The following EPHA6 variants were observed in gnomAD, a reference collection of about 807,000 sequenced individuals.
The protein encoded by EPHA6 is ephrin type-A receptor 6.
In EPHA6, 50 loss-of-function variants were observed where a neutral mutation model predicts 112.0. The ratio of observed to expected loss-of-function variants is 0.45; its 90% CI spans 0.36 to 0.56. EPHA6 has a LOEUF of 0.56. Among genes scored for constraint, EPHA6 ranks in the 20% least tolerant of loss-of-function variants. EPHA6 has a pLI of 0.00. For synonymous variants in EPHA6, 529 were observed against 490.7 expected (o/e 1.08, Z -1.03); for missense variants, 1,280 against 1,417.4 (o/e 0.90, Z 1.56).
chr3:97,669,736 G>C (rs780367500), intron 14 of EPHA6, among the ~76,000 whole-genome samples: 1 of 152,292 alleles, frequency 6.6e-6, no homozygotes, highest in Non-Finnish European at 1.5e-5. Flanking sequence ...CAGTCTAGTA[G>C]TAAGAACCCT....
intron 10 of EPHA6, among the ~76,000 whole-genome samples, chr3:97,498,412 G>C (rs1218642539): frequency 6.6e-6 from 1 of 152,026 alleles, no homozygotes; most frequent in Non-Finnish European, 1.5e-5. Flanking sequence ...TCAAGTCCAG[G>C]AGGCTTTTTT....
At chr3:97,608,593 G>A (rs1427837794) in intron 12 of EPHA6, among the ~76,000 whole-genome samples, 3 of 151,314 alleles carry the variant, frequency 2.0e-5, no homozygotes, top group Non-Finnish European at 4.4e-5. Context: ...CACTGTGAGA[G>A]ACTTTTAGGG....
rs9851749 is a variant in EPHA6, at chr3:96,904,099, G to A, written c.450+37210G>A. ...AAATACCATTTGACCCAGCCATCCC[G>A]TTACTGGGTATATACCCAAAGGATT... On this transcript the variant is annotated intron_variant, in intron 2 of 17. Coordinates refer to ENST00000389672, the MANE Select transcript of EPHA6 (RefSeq NM_001080448.3). Among the ~76,000 whole-genome samples the A allele has an allele frequency of 3.4e-3, 522 of 152,074 alleles. 2 individuals carry two copies. The highest frequency in any genetic ancestry group is 5.4e-3 in the Non-Finnish European group (369 of 67,984).
At chr3:97,200,497 G>A (rs772539560) in intron 3 of EPHA6, among the ~76,000 whole-genome samples, 5 of 152,122 alleles carry the variant, frequency 3.3e-5, no homozygotes, top group Admixed American at 2.0e-4. Flanking sequence ...TAAGTGCTCA[G>A]TAAATTATAT....
intron 3 of EPHA6, among the ~76,000 whole-genome samples, chr3:97,163,603 G>A (rs1296906992): frequency 1.3e-5 from 2 of 152,108 alleles, no homozygotes; most frequent in Non-Finnish European, 2.9e-5. Context: ...GAGGGATAGT[G>A]GTGATGGGTC....
intron 1 of EPHA6, among the ~76,000 whole-genome samples, chr3:96,861,338 A>G (rs1303758185): frequency 1.3e-5 from 2 of 152,058 alleles, no homozygotes; most frequent in Non-Finnish European, 2.9e-5. Flanking sequence ...ATTTATCCTG[A>G]AAGTAATTTA....
At chr3:96,938,520 G>A (rs1371854045) in intron 2 of EPHA6, among the ~76,000 whole-genome samples, 2 of 152,082 alleles carry the variant, frequency 1.3e-5, no homozygotes, top group Non-Finnish European at 2.9e-5. Context: ...TGAGACAATG[G>A]GATTTTCTAG....
chr3:97,554,059 A>T (rs1170098115), intron 11 of EPHA6, among the ~76,000 whole-genome samples: 2 of 152,182 alleles, frequency 1.3e-5, no homozygotes, highest in Non-Finnish European at 2.9e-5. Flanking sequence ...AACAGCAACA[A>T]CTTAGTGTAG....
chr3:97,515,170 A>G (rs1053614403), intron 10 of EPHA6, among the ~76,000 whole-genome samples: 25 of 152,354 alleles, frequency 1.6e-4, no homozygotes, highest in African/African-American at 6.0e-4. Context: ...CATTACTAAT[A>G]ACACTACTAT....
intron 3 of EPHA6, among the ~76,000 whole-genome samples, chr3:97,023,442 A>G (rs183891881): frequency 2.6e-5 from 4 of 152,172 alleles, no homozygotes; most frequent in African/African-American, 7.2e-5. Context: ...GATTGTCCCT[A>G]ACCAGAATAT....
At chr3:97,621,504 T>G (rs141970283) in intron 13 of EPHA6, among the ~76,000 whole-genome samples, 92 of 151,996 alleles carry the variant, frequency 6.1e-4, no homozygotes, top group Admixed American at 1.8e-3. Context: ...TGGAAAAATC[T>G]TGGCTAAAGT....
At chr3:97,600,075 G>T (rs1273589244) in intron 12 of EPHA6, among the ~76,000 whole-genome samples, 5 of 149,224 alleles carry the variant, frequency 3.4e-5, no homozygotes, top group African/African-American at 1.2e-4. Context: ...TTTGTCTGTT[G>T]TTGGTGTATA....
chr3:97,445,716 A>AG (rs1388716102), intron 6 of EPHA6, among the ~76,000 whole-genome samples: 1 of 151,912 alleles, frequency 6.6e-6, no homozygotes, highest in Admixed American at 6.6e-5. Flanking sequence ...AAAAAAATAG[A>AG]GGGGAAAAAG....
intron 2 of EPHA6, among the ~76,000 whole-genome samples, chr3:96,972,424 A>AC: frequency 6.9e-6 from 1 of 144,756 alleles, no homozygotes; most frequent in African/African-American, 2.5e-5. Context: ...CACACACACA[A>AC]ACACACACAC....
At chr3:97,199,990 A>G (rs749526523) in intron 3 of EPHA6, among the ~76,000 whole-genome samples, 4 of 152,144 alleles carry the variant, frequency 2.6e-5, no homozygotes, top group African/African-American at 4.8e-5. Context: ...TGAAGAAAGT[A>G]TGATTTGAGC....
intron 3 of EPHA6, among the ~76,000 whole-genome samples, chr3:97,039,559 A>G (rs537022711): frequency 6.6e-6 from 1 of 151,864 alleles, no homozygotes; most frequent in Non-Finnish European, 1.5e-5. Flanking sequence ...TTTTTTTTTA[A>G]TTGGGAGAAA....
chr3:96,994,187 T>C, intron 3 of EPHA6: 1 of 393,088 alleles, frequency 2.5e-6, no homozygotes, highest in South Asian at 2.5e-5. Flanking sequence ...TTAAGCATGT[T>C]TGCTAAAATT....
Position 97,475,416 on chromosome 3 carries a change from C to T in EPHA6, c.1959C>T (p.Phe653=). 1.2e-6 allele frequency: 2 copies of T among 1,612,246 alleles called. No homozygotes were observed. Among genetic ancestry groups the T allele is most frequent in the Non-Finnish European group, 8.5e-7 (1 of 1,179,000 alleles). ...LVIATAAVGG[F]TLLVILTLFF... is the part of the protein sequence containing the mutation. The stretch of plus-strand genomic sequence containing the variant: ...TAGCCACCGCCGCTGTTGGCGGATT[C>T]ACTCTCCTCGTCATCCTCACTTTAT... The change falls in exon 8 of 18, where the codon TTC becomes TTT. Residue 653 remains phenylalanine, a synonymous_variant. Coordinates refer to ENST00000389672, the MANE Select transcript of EPHA6 (RefSeq NM_001080448.3).
At chr3:97,277,022 G>A (rs541220839) in intron 5 of EPHA6, among the ~76,000 whole-genome samples, 32 of 152,208 alleles carry the variant, frequency 2.1e-4, no homozygotes, top group Middle Eastern at 3.4e-3. Flanking sequence ...GACCTAGCTC[G>A]GCCTGGCAAG....
Sources: gnomAD v4.1 joint callset for allele counts (sites outside exome capture counted in the v4.1 genomes callset) on GRCh38, gnomAD v4.1.1 for gene constraint, MANE v1.5 for transcripts, NCBI Gene and HGNC (gene_info 2026-07-23, HGNC 2026-07-21) for gene names.